Variants in TFDP2 observed in about 807,000 individuals in gnomAD.
TFDP2 encodes the protein transcription factor Dp-2 (E2F dimerization partner 2).
A neutral mutation model predicts 59.3 loss-of-function variants in TFDP2; 17 were observed. The ratio of observed to expected loss-of-function variants is 0.29; its 90% CI spans 0.20 to 0.43. The LOEUF is 0.43. TFDP2 is among the 20% of genes least tolerant of loss of function. The probability of loss-of-function intolerance (pLI) is 1.00; values close to 1 mark genes in which losing one functional copy is unlikely to be tolerated. For missense variants in TFDP2, 391 were observed against 528.8 expected (o/e 0.74, Z 2.56); for synonymous variants, 180 against 194.7 (o/e 0.92, Z 0.63).
chr3:141,999,481 C>CA (rs143716774), intron 4 of TFDP2, among the ~76,000 whole-genome samples: 10,634 of 152,126 alleles, frequency 0.07, 471 homozygotes, highest in Non-Finnish European at 0.1. Flanking sequence ...TTGCATTGGT[C>CA]AAAGGTCAAC....
At chr3:142,020,312 G>C (rs985818316) in intron 3 of TFDP2, among the ~76,000 whole-genome samples, 1 of 152,130 alleles carries the variant, frequency 6.6e-6, no homozygotes, top group African/African-American at 2.4e-5. Context: ...AAGGTGGGTG[G>C]ATAAGGAGGT....
chr3:141,971,421 C>A, intron 8 of TFDP2, among the ~76,000 whole-genome samples: 1 of 150,078 alleles, frequency 6.7e-6, no homozygotes, highest in South Asian at 2.1e-4. Flanking sequence ...TGTTGGCAGG[C>A]GCCTGTAATC....
At chr3:142,113,065 A>G (rs546630632) in intron 1 of TFDP2, among the ~76,000 whole-genome samples, 1 of 152,340 alleles carries the variant, frequency 6.6e-6, no homozygotes, top group South Asian at 2.1e-4. Context: ...TCTTTTATCA[A>G]GCAGTACAAG....
intron 1 of TFDP2, among the ~76,000 whole-genome samples, chr3:142,137,968 C>T (rs866869455): frequency 5.3e-5 from 8 of 152,108 alleles, no homozygotes; most frequent in Non-Finnish European, 1.2e-4. Context: ...CCTCTTTGTA[C>T]CTCTGGTAGA....
At chr3:142,051,298 G>T (rs1042546190) in intron 3 of TFDP2, among the ~76,000 whole-genome samples, 5 of 152,184 alleles carry the variant, frequency 3.3e-5, no homozygotes, top group African/African-American at 1.2e-4. Context: ...CAGCACTTTG[G>T]GAGGCCAAGA....
intron 6 of TFDP2, among the ~76,000 whole-genome samples, chr3:141,979,716 G>A (rs1238841148): frequency 6.6e-6 from 1 of 152,072 alleles, no homozygotes; most frequent in South Asian, 2.1e-4. Flanking sequence ...AGCCTCCCGA[G>A]TAGCTGGGAT....
At chr3:142,036,977 T>C (rs540339159) in intron 3 of TFDP2, among the ~76,000 whole-genome samples, 11 of 152,232 alleles carry the variant, frequency 7.2e-5, no homozygotes, top group Non-Finnish European at 1.6e-4. Flanking sequence ...CCAATGGTAG[T>C]CTGAACTCGT....
intron 6 of TFDP2, among the ~76,000 whole-genome samples, chr3:141,987,265 TTG>T (rs56988461): frequency 0.12 from 15,639 of 132,400 alleles, 1,412 homozygotes; most frequent in African/African-American, 0.26. Context: ...GCTGTCAGAT[TTG>T]TGTGTGTGTG....
intron 3 of TFDP2, among the ~76,000 whole-genome samples, chr3:142,077,964 A>G (rs2060519598): frequency 6.6e-6 from 1 of 152,038 alleles, no homozygotes; most frequent in Admixed American, 6.6e-5. Context: ...CTTAAGGGTG[A>G]GTCCCAGGCC....
intron 1 of TFDP2, among the ~76,000 whole-genome samples, chr3:142,146,343 T>C (rs1342792898): frequency 6.6e-6 from 1 of 152,162 alleles, no homozygotes; most frequent in African/African-American, 2.4e-5. Context: ...ATAGGTATCA[T>C]ACATACATAG....
At chr3:142,126,003 AC>A (rs1415407361) in intron 1 of TFDP2, 1 of 152,144 alleles carries the variant, frequency 6.6e-6, no homozygotes, top group Non-Finnish European at 1.5e-5. Context: ...TTTAGATAGA[AC>A]CCTTTCTTAG....
rs11569275 is a variant in TFDP2 at position 141,959,200 on chromosome 3, C to T, written c.1051+474G>A. On this transcript the variant is annotated intron_variant, in intron 11 of 12. Coordinates refer to ENST00000489671, the MANE Select transcript of TFDP2 (RefSeq NM_001178139.2). ...CGAACTCCCGACCTCAGGTGATCCACCCGTCTTGGCTTCCCAAAGTGCTGG... is the reference window on the plus strand; with the variant it reads ...CGAACTCCCGACCTCAGGTGATCCATCCGTCTTGGCTTCCCAAAGTGCTGG... 5.4e-3 allele frequency among the ~76,000 whole-genome samples: 826 copies of T among 152,156 alleles called. 6 individuals are homozygous for T. Among genetic ancestry groups the T allele is most frequent in the African/African-American group, 0.019 (783 of 41,502 alleles).
Position 142,134,151 on chromosome 3 carries a change from A to G in TFDP2, c.-93+15032T>C, listed in dbSNP as rs139116954. ...AGTGGGGCTGAAAAAAATATAGAAGAAGGAGTTCCACGTAGTCCCAGCTAC... is the reference window on the plus strand; with the variant it reads ...AGTGGGGCTGAAAAAAATATAGAAGGAGGAGTTCCACGTAGTCCCAGCTAC... On this transcript the variant is annotated intron_variant, in intron 1 of 12. Coordinates refer to ENST00000489671, the MANE Select transcript of TFDP2 (RefSeq NM_001178139.2). Among the ~76,000 whole-genome samples the G allele has an allele frequency of 9.6e-4, 146 of 152,048 alleles. 1 individual carries two copies. The highest frequency in any genetic ancestry group is 3.4e-3 in the African/African-American group (141 of 41,556).
intron 1 of TFDP2, among the ~76,000 whole-genome samples, chr3:142,116,871 C>T (rs939108823): frequency 6.6e-6 from 1 of 152,054 alleles, no homozygotes; most frequent in Non-Finnish European, 1.5e-5. Flanking sequence ...AGTAATTTTA[C>T]TGTAAGTTCA....
At chr3:142,117,260 T>C (rs997930020) in intron 1 of TFDP2, among the ~76,000 whole-genome samples, 2 of 152,026 alleles carry the variant, frequency 1.3e-5, no homozygotes, top group Non-Finnish European at 2.9e-5. Flanking sequence ...TGTAGAACAA[T>C]GGAGGTAATC....
Position 141,956,292 on chromosome 3 carries a change from G to C in TFDP2, c.1052-3276C>G, listed in dbSNP as rs532905830. ...AAGACAAGTAACTCTACTTAAAAATGAGCAAAGGATGGACTGTGGGAGGCC... is the reference window on the plus strand; with the variant it reads ...AAGACAAGTAACTCTACTTAAAAATCAGCAAAGGATGGACTGTGGGAGGCC... On this transcript the variant is annotated intron_variant, in intron 11 of 12. Transcript: ENST00000489671. Among the ~76,000 whole-genome samples, 275 of 152,258 alleles carry C rather than the reference G, an allele frequency of 1.8e-3. 1 individual carries two copies. The highest frequency in any genetic ancestry group is 3.4e-3 in the Middle Eastern group (1 of 294).
intron 3 of TFDP2, among the ~76,000 whole-genome samples, chr3:142,089,176 T>C (rs1173534349): frequency 6.6e-6 from 1 of 151,786 alleles, no homozygotes; most frequent in Non-Finnish European, 1.5e-5. Context: ...GCTCTAACAT[T>C]CTACAATTTC....
rs537147349 is a variant in TFDP2 at position 142,125,066 on chromosome 3, C to T, written c.-92-23225G>A. The stretch of plus-strand genomic sequence containing the variant: ...AAAAATTTTTTTTAAATTAGCCAAT[C>T]GTGGTGGCATGTGCCTGCTGTCCCA... On this transcript the variant is annotated intron_variant, in intron 1 of 12. Transcript: ENST00000489671. Among the ~76,000 whole-genome samples the T allele has an allele frequency of 1.4e-3, 208 of 152,040 alleles. 2 individuals carry two copies. The highest frequency in any genetic ancestry group is 4.7e-3 in the African/African-American group (196 of 41,456).
At chr3:142,114,114 G>A (rs2061763781) in intron 1 of TFDP2, among the ~76,000 whole-genome samples, 2 of 150,806 alleles carry the variant, frequency 1.3e-5, no homozygotes, top group Non-Finnish European at 2.9e-5. Context: ...GCAGCGAGCC[G>A]AAATCGCGCC....
Sources: allele counts gnomAD v4.1 joint callset (sites outside exome capture counted in the v4.1 genomes callset), GRCh38; gene constraint gnomAD v4.1.1; transcripts MANE v1.5; gene names NCBI Gene and HGNC (gene_info 2026-07-23, HGNC 2026-07-21).